SMAD3: variants seen among roughly 807,000 people sequenced by gnomAD.
SMAD3 encodes MAD homolog 3.
SMAD3 carries 12 observed loss-of-function variants against 51.8 expected under a neutral mutation model. That is an observed-to-expected ratio of 0.23 (90% CI 0.15 to 0.38). The LOEUF is 0.38. SMAD3 is among the 10% of genes least tolerant of loss of function. The probability of loss-of-function intolerance (pLI) is 1.00; values close to 1 mark genes in which losing one functional copy is unlikely to be tolerated. For synonymous variants in SMAD3, 238 were observed against 227.7 expected, an observed-to-expected ratio of 1.05 and a Z score of -0.41; for missense variants, 294 against 565.6, an observed-to-expected ratio of 0.52 and a Z score of 4.87.
At chr15:67,179,135 T>TG (rs955061038) in intron 5 of SMAD3, among the ~76,000 whole-genome samples, 10 of 152,310 alleles carry the variant, frequency 6.6e-5, no homozygotes, top group African/African-American at 2.2e-4. Context: ...AGAGTGTAGC[T>TG]GGTTTGCTCG....
intron 5 of SMAD3, among the ~76,000 whole-genome samples, chr15:67,172,024 T>G (rs1251607092): frequency 6.6e-6 from 1 of 152,216 alleles, no homozygotes; most frequent in Non-Finnish European, 1.5e-5. Flanking sequence ...GACACTTGCC[T>G]TTGAAACCAT....
intron 1 of SMAD3, chr15:67,146,785 G>C (rs1961986208): frequency 6.6e-6 from 1 of 152,124 alleles, no homozygotes; most frequent in Non-Finnish European, 1.5e-5. Flanking sequence ...GTCAGTGTTT[G>C]TAGAAAAAAG....
At chr15:67,122,738 G>A (rs1961293624) in intron 1 of SMAD3, among the ~76,000 whole-genome samples, 1 of 152,122 alleles carries the variant, frequency 6.6e-6, no homozygotes, top group African/African-American at 2.4e-5. Context: ...TATGTAGGGT[G>A]GTAAGGAATA....
intron 1 of SMAD3, among the ~76,000 whole-genome samples, chr15:67,127,656 A>T (rs1020942922): frequency 1.3e-5 from 2 of 152,200 alleles, no homozygotes; most frequent in Non-Finnish European, 2.9e-5. Context: ...GTTCCTGAAG[A>T]TGAAGGGCTG....
In SMAD3 at chr15:67,065,663, C is replaced by A. The variant is rs1226143289; in HGVS notation, c.-492C>A. Among the ~76,000 whole-genome samples, 1 of 151,394 alleles carries A rather than the reference C, an allele frequency of 6.6e-6. No individual in the cohort carries two copies. The highest frequency in any genetic ancestry group is 6.6e-5 in the Admixed American group (1 of 15,250). The stretch of plus-strand genomic sequence containing the variant: ...GGCGCACGCCCCGGGCCGGCCCAGC[C>A]AGCGAGCGAGCGAGCGGCGAGCCGG... On this transcript the variant is annotated 5_prime_UTR_variant, in exon 1 of 9. Transcript: ENST00000327367.
intron 1 of SMAD3, among the ~76,000 whole-genome samples, chr15:67,069,719 T>TG (rs1252532062): frequency 6.6e-6 from 1 of 152,032 alleles, no homozygotes; most frequent in East Asian, 1.9e-4. Flanking sequence ...TGATGTTTTT[T>TG]TTTTGGAGAC....
At chr15:67,132,094 G>C (rs1379535157) in intron 1 of SMAD3, among the ~76,000 whole-genome samples, 3 of 152,146 alleles carry the variant, frequency 2.0e-5, no homozygotes, top group South Asian at 2.1e-4. Flanking sequence ...ATGGTCATCT[G>C]AGACATGGAA....
chr15:67,069,145 G>C (rs1040921324), intron 1 of SMAD3, among the ~76,000 whole-genome samples: 2 of 152,154 alleles, frequency 1.3e-5, no homozygotes, highest in East Asian at 3.9e-4. Context: ...CAGACCACAG[G>C]CTTGCTTCTC....
At chr15:67,153,779 T>C (rs1029485793) in intron 1 of SMAD3, among the ~76,000 whole-genome samples, 1 of 152,206 alleles carries the variant, frequency 6.6e-6, no homozygotes, top group Non-Finnish European at 1.5e-5. Flanking sequence ...AGTGCCAACG[T>C]TGAGAAACTC....
rs112823414 is a variant in SMAD3 at position 67,165,105 on chromosome 15, G to T, written c.400+17G>T. 1.2e-5 allele frequency: 19 copies of T among 1,613,338 alleles called. No homozygotes were observed. Among genetic ancestry groups the T allele is most frequent in the African/African-American group, 6.7e-5 (5 of 75,054 alleles). On this transcript the variant is annotated intron_variant, in intron 2 of 8. Coordinates refer to ENST00000327367, the MANE Select transcript of SMAD3 (RefSeq NM_005902.4). ...AGACACCAGGTATGCTGCCTGGCCTGCCTGTGGGGACAGCAGGTGCCAGGG... is the reference window on the plus strand; with the variant it reads ...AGACACCAGGTATGCTGCCTGGCCTTCCTGTGGGGACAGCAGGTGCCAGGG...
At chr15:67,162,283 G>A (rs750252793) in intron 1 of SMAD3, among the ~76,000 whole-genome samples, 1 of 152,184 alleles carries the variant, frequency 6.6e-6, no homozygotes, top group Non-Finnish European at 1.5e-5. Context: ...AAGGCACAGA[G>A]GGAAAGCTTG....
Position 67,187,460 on chromosome 15 carries a change from A to C in SMAD3, c.1105A>C (p.Met369Leu), listed in dbSNP as rs1414952589. Residue 369 changes from methionine (M) to leucine (L), a missense_variant, in exon 8 of 9, where the codon ATG becomes CTG. This residue lies in a region of SMAD3 where 118 missense variants were observed against 278.0 expected (regional missense o/e 0.42). Coordinates refer to ENST00000327367, the MANE Select transcript of SMAD3 (RefSeq NM_005902.4). ...GFEAVYQLTR[M>L]CTIRMSFVKG... is the part of the protein sequence containing the mutation. ...TGAGGCTGTCTACCAGTTGACCCGA[A>C]TGTGCACCATCCGCATGAGCTTCGT... The C allele has an allele frequency of 6.2e-7, 1 of 1,614,170 alleles. No individual in the cohort carries two copies.
At chr15:67,145,796 A>G (rs1039300197) in intron 1 of SMAD3, among the ~76,000 whole-genome samples, 3 of 152,200 alleles carry the variant, frequency 2.0e-5, no homozygotes, top group Non-Finnish European at 2.9e-5. Context: ...CAGCTTTCCA[A>G]TGCAAGTCCC....
At chr15:67,183,188 A>T (rs947901992) in intron 6 of SMAD3, among the ~76,000 whole-genome samples, 1 of 150,708 alleles carries the variant, frequency 6.6e-6, no homozygotes, top group Non-Finnish European at 1.5e-5. Flanking sequence ...GATTACAGGC[A>T]TGTGCCACCA....
intron 1 of SMAD3, among the ~76,000 whole-genome samples, chr15:67,079,876 A>T (rs1960245810): frequency 6.6e-6 from 1 of 152,206 alleles, no homozygotes; most frequent in Admixed American, 6.5e-5. Flanking sequence ...TTGGTAAATG[A>T]CAGAAACAAG....
intron 6 of SMAD3, among the ~76,000 whole-genome samples, chr15:67,183,000 A>AATGT (rs1963113373): frequency 2.3e-5 from 1 of 43,646 alleles, no homozygotes; most frequent in African/African-American, 1.4e-4. Context: ...AAAAAAAAAA[A>AATGT]ATATATATAT....
At position 67,192,074 on chromosome 15, in the gene SMAD3, T is replaced by C. The variant is rs1830099922; in HGVS notation, c.*1538T>C. 1.3e-5 allele frequency: 3 copies of C among 232,278 alleles called. No homozygotes were observed. The highest frequency in any genetic ancestry group is 6.6e-5 in the African/African-American group (3 of 45,274). 14.4% of individuals were successfully genotyped at this position (232,278 alleles called of 1,614,324 possible). ...GACCTATCCCACGTTTTTGCATGAA[T>C]TTATAGCAGGAAAAATCAAGGGATT... On this transcript the variant is annotated 3_prime_UTR_variant, in exon 9 of 9. Transcript: ENST00000327367.
At chr15:67,185,515 G>C (rs1963201955) in intron 7 of SMAD3, among the ~76,000 whole-genome samples, 1 of 152,172 alleles carries the variant, frequency 6.6e-6, no homozygotes, top group Non-Finnish European at 1.5e-5. Context: ...CTGGAGGAGG[G>C]TCATGTATGA....
chr15:67,087,241 C>T (rs1199179218), intron 1 of SMAD3, among the ~76,000 whole-genome samples: 1 of 152,138 alleles, frequency 6.6e-6, no homozygotes, highest in Non-Finnish European at 1.5e-5. Flanking sequence ...TTAGTTGGCA[C>T]CTCACTGGCA....
Sources: allele counts gnomAD v4.1 joint callset (sites outside exome capture counted in the v4.1 genomes callset), GRCh38; gene constraint gnomAD v4.1.1; regional missense constraint gnomAD v4.1.1; transcripts MANE v1.5; gene names NCBI Gene and HGNC (gene_info 2026-07-23, HGNC 2026-07-21).